The following ZFR variants were observed in gnomAD, a reference collection of about 807,000 sequenced individuals.
The protein encoded by ZFR is zinc finger RNA-binding protein.
In ZFR, 19 loss-of-function variants were observed where a neutral mutation model predicts 130.7. The observed-to-expected ratio is 0.15, with a 90% CI of 0.10 to 0.21. The LOEUF is 0.21. ZFR is among the 10% of genes least tolerant of loss of function. ZFR has a pLI of 1.00. For synonymous variants in ZFR, 466 were observed against 456.9 expected, an observed-to-expected ratio of 1.02 and a Z score of -0.25; for missense variants, 872 against 1,321.5, an observed-to-expected ratio of 0.66 and a Z score of 5.27.
intron 11 of ZFR, among the ~76,000 whole-genome samples, chr5:32,391,806 T>C (rs1233988255): frequency 2.0e-5 from 3 of 152,038 alleles, no homozygotes; most frequent in African/African-American, 7.2e-5. Flanking sequence ...CTGTCACCCA[T>C]TGCAGTGGCC....
intron 17 of ZFR, among the ~76,000 whole-genome samples, chr5:32,365,560 A>C (rs1271050159): frequency 6.6e-6 from 1 of 151,952 alleles, no homozygotes; most frequent in African/African-American, 2.4e-5. Flanking sequence ...AAGATGTTCA[A>C]GATTCTTTTT....
chr5:32,444,272 T>C lies in ZFR; in HGVS notation c.94A>G (p.Thr32Ala). ...GCCGCCGCCGCCGCCCCGCTGTGGG[T>C]GAATCCAAAGTAGTTGCCGGTCGCC... The part of the protein sequence containing the change: ...KMATGNYFGF[T>A]HSGAAAAAAA... The change falls in exon 2 of 20, where the codon ACC becomes GCC. Residue 32 changes from threonine (T) to alanine (A), a missense_variant. Thr to Ala is a moderately conservative substitution (Grantham distance 58, BLOSUM62 0). This residue lies in a region of ZFR where 240 missense variants were observed against 441.2 expected (regional missense o/e 0.54). Transcript: ENST00000265069. The C allele has an allele frequency of 6.4e-7, 1 of 1,560,408 alleles. No individual in the cohort carries two copies. The highest frequency in any genetic ancestry group is 8.7e-7 in the Non-Finnish European group (1 of 1,154,264).
chr5:32,429,109 C>G (rs1157108007), intron 2 of ZFR, among the ~76,000 whole-genome samples: 3 of 151,428 alleles, frequency 2.0e-5, no homozygotes, highest in African/African-American at 7.3e-5. Context: ...CCTCAGCCTC[C>G]CGAGTAGCTG....
At chr5:32,441,032 C>T (rs1243823930) in intron 2 of ZFR, among the ~76,000 whole-genome samples, 3 of 152,134 alleles carry the variant, frequency 2.0e-5, no homozygotes, top group Non-Finnish European at 4.4e-5. Flanking sequence ...AGAGTGTAAT[C>T]GCGCGATCTT....
intron 17 of ZFR, 83 bp downstream of exon 17, chr5:32,379,029 CTGA>C: frequency 1.0e-6 from 1 of 987,792 alleles, no homozygotes; most frequent in Non-Finnish European, 1.5e-6. Context: ...GCAAATAAGG[CTGA>C]TAATTACATG....
At chr5:32,440,437 C>G (rs543021558) in intron 2 of ZFR, among the ~76,000 whole-genome samples, 53 of 152,194 alleles carry the variant, frequency 3.5e-4, no homozygotes, top group African/African-American at 1.2e-3. Flanking sequence ...GACCGGAGTT[C>G]GGGAGTTTGA....
chr5:32,390,123 C>A (rs1753131586), intron 12 of ZFR, 152 bp downstream of exon 12: 1 of 1,032,900 alleles, frequency 9.7e-7, no homozygotes, highest in Non-Finnish European at 1.4e-6. Context: ...CCACTGCACT[C>A]CAGCCTGGGC....
At chr5:32,387,857 T>G (rs994387534) in intron 13 of ZFR, among the ~76,000 whole-genome samples, 158 bp from the exon 14 acceptor site, 2 of 152,100 alleles carry the variant, frequency 1.3e-5, no homozygotes, top group African/African-American at 4.8e-5. Context: ...TATACTTCAT[T>G]TAAGCAATGT....
chr5:32,424,029 A>G (rs1388274645), intron 2 of ZFR, among the ~76,000 whole-genome samples: 2 of 152,222 alleles, frequency 1.3e-5, no homozygotes, highest in African/African-American at 4.8e-5. Context: ...TATTCCAGCT[A>G]AAACAAAAAG....
chr5:32,380,989 G>A (rs1561873719), intron 15 of ZFR, among the ~76,000 whole-genome samples: 1 of 151,890 alleles, frequency 6.6e-6, no homozygotes, highest in African/African-American at 2.4e-5. Context: ...TCTCCCTTCC[G>A]CATGAAAATT....
intron 5 of ZFR, among the ~76,000 whole-genome samples, chr5:32,411,175 A>C (rs908851951): frequency 6.6e-6 from 1 of 152,228 alleles, no homozygotes; most frequent in Non-Finnish European, 1.5e-5. Flanking sequence ...GGGAAAGCTC[A>C]AAGTGTATCT....
chr5:32,400,078 G>C lies in ZFR; in HGVS notation c.1642C>G (p.Pro548Ala). The C allele has an allele frequency of 6.2e-7, 1 of 1,613,700 alleles. No homozygotes were observed. The highest frequency in any genetic ancestry group is 2.2e-5 in the East Asian group (1 of 44,860). The change falls in exon 9 of 20, where the codon CCA becomes GCA. Residue 548 changes from proline to alanine, a missense_variant. Transcript: ENST00000265069. ...PEVKQDTVSEPVTPASLAALQ... is the reference protein window; with the variant it reads ...PEVKQDTVSEAVTPASLAALQ... ...GCAGCAAGAGATGCAGGTGTGACTG[G>C]TTCTGACACTGTGTCTTGCTTTACT...
At chr5:32,356,333 T>C (rs1752306406) in intron 19 of ZFR, among the ~76,000 whole-genome samples, 1 of 152,210 alleles carries the variant, frequency 6.6e-6, no homozygotes, top group African/African-American at 2.4e-5. Flanking sequence ...ACTTAAGAAC[T>C]GTAATTATAC....
chr5:32,395,743 C>A (rs1439470092), intron 10 of ZFR, among the ~76,000 whole-genome samples: 2 of 152,058 alleles, frequency 1.3e-5, no homozygotes, highest in Admixed American at 6.6e-5. Context: ...ATATGATGAC[C>A]CACTTCCACT....
In ZFR at chr5:32,439,059, A is replaced by G. The variant is rs549448692; in HGVS notation, c.137+5170T>C. Among the ~76,000 whole-genome samples, 17 of 152,342 alleles carry G rather than the reference A, an allele frequency of 1.1e-4. 1 individual carries two copies. The East Asian group carries it at 3.3e-3, about 29-fold the overall frequency. ...ACTCAAGCAGATACCTATTCTATAC[A>G]GGGATATTCTGGCTCACCCTACTCT... On this transcript the variant is annotated intron_variant, in intron 2 of 19. Transcript: ENST00000265069.
chr5:32,419,085 T>C (rs1298183281), intron 3 of ZFR, among the ~76,000 whole-genome samples: 1 of 152,226 alleles, frequency 6.6e-6, no homozygotes, highest in Non-Finnish European at 1.5e-5. Context: ...ATATGTAATA[T>C]GTTTGTCCTG....
At chr5:32,369,242 G>A (rs896311259) in intron 17 of ZFR, among the ~76,000 whole-genome samples, 1 of 152,074 alleles carries the variant, frequency 6.6e-6, no homozygotes, top group African/African-American at 2.4e-5. Flanking sequence ...TTTGCCCTGA[G>A]ATGTCAGTGT....
chr5:32,404,121 T>C (rs1753528340), intron 6 of ZFR, 24 bp from the exon 7 acceptor site: 1 of 1,558,564 alleles, frequency 6.4e-7, no homozygotes, highest in African/African-American at 1.4e-5. Flanking sequence ...AAAGGAAACA[T>C]TTTGCTTCAC....
At chr5:32,425,528 C>G (rs2432211) in intron 2 of ZFR, among the ~76,000 whole-genome samples, 145,091 of 152,222 alleles carry the variant, frequency 0.95, 69,207 homozygotes, top group African/African-American at 0.98. Context: ...ATGTGTAATA[C>G]TTTTACTCTT....
Sources: gnomAD v4.1 joint callset for allele counts (sites outside exome capture counted in the v4.1 genomes callset) on GRCh38, gnomAD v4.1.1 for gene constraint, gnomAD v4.1.1 regional missense constraint, MANE v1.5 for transcripts, NCBI Gene and HGNC (gene_info 2026-07-23, HGNC 2026-07-21) for gene names.